The following NDST3 variants were observed in gnomAD, a reference collection of about 807,000 sequenced individuals.
The protein encoded by NDST3 is N-deacetylase and N-sulfotransferase 3, also known as bifunctional heparan sulfate N-deacetylase/N-sulfotransferase 3.
In NDST3, 58 loss-of-function variants were observed where a neutral mutation model predicts 96.1. That is an observed-to-expected ratio of 0.60 (90% CI 0.49 to 0.75). The LOEUF (loss-of-function observed/expected upper bound fraction) is 0.75, where lower values mean the gene tolerates loss of function less well. NDST3 is among the 30% of genes least tolerant of loss of function. The pLI, the probability that NDST3 is intolerant of heterozygous loss-of-function variation, is 0.00. For missense variants in NDST3, 788 were observed against 1,034.2 expected (o/e 0.76, Z 3.27); for synonymous variants, 333 against 359.7 (o/e 0.93, Z 0.84).
chr4:118,166,332 C>A (rs554435361), intron 6 of NDST3, among the ~76,000 whole-genome samples: 1 of 151,782 alleles, frequency 6.6e-6, no homozygotes, highest in Non-Finnish European at 1.5e-5. Flanking sequence ...TAAACACATA[C>A]AACCCCCAAG....
intron 1 of NDST3, among the ~76,000 whole-genome samples, chr4:118,050,436 C>T (rs1725013448): frequency 6.6e-6 from 1 of 152,092 alleles, no homozygotes; most frequent in East Asian, 1.9e-4. Flanking sequence ...AACTATCTCT[C>T]TTTGCTGATG....
rs926428633 is a variant in NDST3 at position 118,226,973 on chromosome 4, C to T, written c.1810C>T (p.Gln604Ter). Residue 604 changes from glutamine (Q) to a stop codon, truncating the protein, a stop_gained, in exon 8 of 14, where the codon CAG becomes TAG. Transcript: ENST00000296499. LOFTEE classifies it high-confidence loss of function. ...RLPKFLVIGP[Q>*]KTGTTALYLF... Reference sequence around the variant, plus strand: ...ACCAAAATTCTTGGTAATAGGACCCCAGAAAACTGGTGAGAACTTTTTATG... The same window carrying T: ...ACCAAAATTCTTGGTAATAGGACCCTAGAAAACTGGTGAGAACTTTTTATG... 26 of 1,608,472 alleles carry T rather than the reference C, an allele frequency of 1.6e-5. No individual in the cohort carries two copies. The highest frequency in any genetic ancestry group is 2.2e-5 in the Non-Finnish European group (26 of 1,175,968).
chr4:118,191,435 T>C (rs1322771964), intron 6 of NDST3, among the ~76,000 whole-genome samples: 1 of 152,194 alleles, frequency 6.6e-6, no homozygotes, highest in African/African-American at 2.4e-5. Flanking sequence ...TAGGTGGTGA[T>C]CTTTTAAACT....
At chr4:118,097,192 T>C (rs1002697485) in intron 2 of NDST3, among the ~76,000 whole-genome samples, 1 of 151,878 alleles carries the variant, frequency 6.6e-6, no homozygotes, top group Non-Finnish European at 1.5e-5. Context: ...TCATGTAATG[T>C]TAACCCTCAC....
intron 1 of NDST3, among the ~76,000 whole-genome samples, chr4:118,037,564 C>T (rs529450397): frequency 1.0e-3 from 157 of 152,228 alleles, no homozygotes; most frequent in Admixed American, 3.1e-3. Context: ...CTTGATATGC[C>T]TCTTGATGGA....
chr4:118,160,920 C>T (rs1047888587), intron 6 of NDST3, among the ~76,000 whole-genome samples: 11 of 152,078 alleles, frequency 7.2e-5, no homozygotes, highest in Non-Finnish European at 1.2e-4. Flanking sequence ...TGAGGAACTG[C>T]ATTCCTTTGG....
chr4:118,211,136 G>T (rs1477256066), intron 6 of NDST3, among the ~76,000 whole-genome samples: 1 of 152,102 alleles, frequency 6.6e-6, no homozygotes, highest in African/African-American at 2.4e-5. Context: ...ATTTAATATT[G>T]CAACAAGTTT....
chr4:118,126,029 G>C (rs1005126745), intron 4 of NDST3, among the ~76,000 whole-genome samples: 1 of 151,930 alleles, frequency 6.6e-6, no homozygotes, highest in African/African-American at 2.4e-5. Context: ...GGCTACTACA[G>C]GACTCCTTCC....
chr4:118,119,959 A>C (rs1032554275), intron 4 of NDST3, among the ~76,000 whole-genome samples: 3 of 152,150 alleles, frequency 2.0e-5, no homozygotes, highest in African/African-American at 7.2e-5. Flanking sequence ...GAAGATAATC[A>C]GTCAGTCTTA....
chr4:118,092,810 A>G (rs1728984264), intron 2 of NDST3, among the ~76,000 whole-genome samples: 2 of 151,924 alleles, frequency 1.3e-5, no homozygotes, highest in African/African-American at 4.8e-5. Flanking sequence ...ACAAGTAAGT[A>G]TATAGCATAA....
At chr4:118,095,998 C>T (rs1729268638) in intron 2 of NDST3, among the ~76,000 whole-genome samples, 1 of 151,878 alleles carries the variant, frequency 6.6e-6, no homozygotes, top group Non-Finnish European at 1.5e-5. Context: ...ATTGTTTCTA[C>T]TTTTTAGCTA....
intron 6 of NDST3, among the ~76,000 whole-genome samples, chr4:118,196,953 T>TG (rs990531534): frequency 7.9e-5 from 12 of 151,830 alleles, no homozygotes; most frequent in African/African-American, 2.9e-4. Flanking sequence ...AGTTTTTTTT[T>TG]TTTTTAATGT....
At chr4:118,168,425 T>C (rs192606267) in intron 6 of NDST3, among the ~76,000 whole-genome samples, 46 of 152,152 alleles carry the variant, frequency 3.0e-4, no homozygotes, top group African/African-American at 1.1e-3. Flanking sequence ...AGTGAGAATG[T>C]AGAGAAATTT....
At chr4:118,070,032 C>G (rs1726921958) in intron 2 of NDST3, among the ~76,000 whole-genome samples, 2 of 152,024 alleles carry the variant, frequency 1.3e-5, no homozygotes, top group Admixed American at 6.6e-5. Flanking sequence ...CAGTGAGCAA[C>G]TTACTGAAAT....
chr4:118,115,278 A>G (rs981698204), intron 4 of NDST3, among the ~76,000 whole-genome samples: 1 of 152,202 alleles, frequency 6.6e-6, no homozygotes, highest in Admixed American at 6.5e-5. Context: ...AGAAATATGC[A>G]TGTTAAACAA....
chr4:118,130,329 C>A (rs1004953527), intron 4 of NDST3, among the ~76,000 whole-genome samples: 1 of 151,888 alleles, frequency 6.6e-6, no homozygotes, highest in Non-Finnish European at 1.5e-5. Flanking sequence ...TAACTTCTTG[C>A]TTGTTTCTGT....
chr4:118,211,180 A>C (rs988604684), intron 6 of NDST3, among the ~76,000 whole-genome samples: 2 of 152,176 alleles, frequency 1.3e-5, no homozygotes, highest in Non-Finnish European at 2.9e-5. Context: ...CAAAAGATTT[A>C]AACTACTAAA....
chr4:118,065,320 G>A (rs990419616), intron 2 of NDST3, among the ~76,000 whole-genome samples: 6 of 152,094 alleles, frequency 3.9e-5, no homozygotes, highest in African/African-American at 1.4e-4. Flanking sequence ...AATTACTCTA[G>A]ATCTCTGAGT....
intron 6 of NDST3, chr4:118,194,651 C>T (rs1297523702): frequency 3.6e-5 from 24 of 674,402 alleles, no homozygotes; most frequent in Non-Finnish European, 5.8e-5. Context: ...CGATGACCTT[C>T]AGCATGCCTT....
Sources: allele counts gnomAD v4.1 joint callset (sites outside exome capture counted in the v4.1 genomes callset), GRCh38; gene constraint gnomAD v4.1.1; transcripts MANE v1.5; gene names NCBI Gene and HGNC (gene_info 2026-07-23, HGNC 2026-07-21).